The following ZRANB3 variants were observed in gnomAD, a reference collection of about 807,000 sequenced individuals.
ZRANB3 encodes zinc finger RANBP2-type containing 3.
In ZRANB3, 125 loss-of-function variants were observed where a neutral mutation model predicts 133.8. The ratio of observed to expected loss-of-function variants is 0.93; its 90% CI spans 0.81 to 1.08. The LOEUF (loss-of-function observed/expected upper bound fraction) is 1.08. Ranked by LOEUF, ZRANB3 falls within the 50% of genes least tolerant of loss-of-function variation. The probability of loss-of-function intolerance (pLI) is 0.00; values close to 1 mark genes in which losing one functional copy is unlikely to be tolerated. For missense variants in ZRANB3, 1,229 were observed against 1,275.5 expected (o/e 0.96, Z 0.56); for synonymous variants, 387 against 432.7 (o/e 0.89, Z 1.31).
chr2:135,345,657 T>C (rs1336790586), intron 5 of ZRANB3, 22 bp from the exon 6 acceptor site: 3 of 1,475,576 alleles, frequency 2.0e-6, no homozygotes, highest in Non-Finnish European at 1.9e-6. Flanking sequence ...CAAGTGTTTG[T>C]AGTATGTTGT....
At chr2:135,240,001 G>A (rs1695481630) in intron 12 of ZRANB3, among the ~76,000 whole-genome samples, 1 of 151,916 alleles carries the variant, frequency 6.6e-6, no homozygotes, top group East Asian at 1.9e-4. Flanking sequence ...AAAAAGGGTG[G>A]AGGAAAGCAG....
chr2:135,379,444 T>G (rs1040105347), intron 3 of ZRANB3, among the ~76,000 whole-genome samples: 4 of 151,728 alleles, frequency 2.6e-5, no homozygotes, highest in East Asian at 1.9e-4. Flanking sequence ...ACAGTGAGAG[T>G]TGGAGCTGAA....
rs757986625 is a variant in ZRANB3, at chr2:135,230,667, G to C, written c.1800C>G (p.Ile600Met). 1.2e-6 allele frequency: 2 copies of C among 1,613,534 alleles called. No homozygotes were observed. Among genetic ancestry groups the C allele is most frequent in the African/African-American group, 2.7e-5 (2 of 74,938 alleles). Residue 600 changes from isoleucine to methionine, a missense_variant, in exon 13 of 21, where the codon ATC becomes ATG. Ile to Met is a conservative substitution (Grantham distance 10). Transcript: ENST00000264159. ...GTACACTTTCCACGAGTGGAGTTCG[G>C]ATTTGCTTGGACTGGGATGGTGTCT... is the stretch of plus-strand genomic sequence containing the variant. ...SEETPSQSKQ[I>M]RTPLVESVQE...
chr2:135,315,371 T>G lies in ZRANB3; in HGVS notation c.837A>C (p.Ser279=), dbSNP rs150597226. 5.1e-6 allele frequency: 8 copies of G among 1,574,308 alleles called. No individual in the cohort carries two copies. The East Asian group carries it at 1.8e-4, about 36-fold the overall frequency. ...CAACGGTTCTCACCTTGGCAGCTGCTGATGGAAGATCAAATGGAATACGCT... is the reference window on the plus strand; with the variant it reads ...CAACGGTTCTCACCTTGGCAGCTGCGGATGGAAGATCAAATGGAATACGCT... ...VRQRIPFDLP[S]AAAKELNTSF... The change falls in exon 7 of 21, where the codon TCA becomes TCC. Residue 279 remains serine (S), a synonymous_variant. Coordinates refer to ENST00000264159, the MANE Select transcript of ZRANB3 (RefSeq NM_032143.4).
intron 6 of ZRANB3, among the ~76,000 whole-genome samples, chr2:135,334,393 G>A (rs1414387892): frequency 1.3e-5 from 2 of 152,222 alleles, no homozygotes; most frequent in Admixed American, 1.3e-4. Flanking sequence ...AAGTCTCAAT[G>A]CAGAATACAT....
intron 3 of ZRANB3, among the ~76,000 whole-genome samples, chr2:135,354,878 T>C (rs1487704640): frequency 6.6e-6 from 1 of 152,174 alleles, no homozygotes; most frequent in Non-Finnish European, 1.5e-5. Context: ...CTCAGAATTG[T>C]ACACTAAAAA....
At position 135,264,740 on chromosome 2, in the gene ZRANB3, A is replaced by AT. The variant is rs869159841; in HGVS notation, c.1539+793dup. 7.7e-3 allele frequency among the ~76,000 whole-genome samples: 972 copies of AT among 125,670 alleles called. 4 individuals carry two copies. The highest frequency in any genetic ancestry group is 0.016 in the African/African-American group (545 of 34,082). 82.4% of individuals were successfully genotyped at this position (125,670 alleles called of 152,430 possible). A position where few individuals can be genotyped will look rare whatever the true frequency, so the allele number is the denominator to read the frequency against. ...CCTCTGATGCTCATATTCTTTGCCT[A>AT]TTTTTTTTTTTTTTTTCTGAGACAG... On this transcript the variant is annotated intron_variant, in intron 12 of 20. Coordinates refer to ENST00000264159, the MANE Select transcript of ZRANB3 (RefSeq NM_032143.4).
intron 1 of ZRANB3, among the ~76,000 whole-genome samples, chr2:135,525,465 G>C (rs1047375846): frequency 2.6e-5 from 4 of 152,208 alleles, no homozygotes; most frequent in Non-Finnish European, 4.4e-5. Flanking sequence ...AATCAGGGAA[G>C]CATACAAAGA....
At chr2:135,231,855 C>T (rs1374982884) in intron 12 of ZRANB3, among the ~76,000 whole-genome samples, 1 of 152,100 alleles carries the variant, frequency 6.6e-6, no homozygotes, top group African/African-American at 2.4e-5. Context: ...CTCCAGTCTA[C>T]AGCTTCCAGC....
intron 1 of ZRANB3, chr2:135,511,967 G>T: frequency 4.2e-6 from 3 of 722,886 alleles, no homozygotes; most frequent in Non-Finnish European, 7.7e-6. Flanking sequence ...TCAAACTGAG[G>T]GGAAAAAGTC....
At chr2:135,530,275 C>G (rs1559060015) in intron 1 of ZRANB3, among the ~76,000 whole-genome samples, 1 of 151,680 alleles carries the variant, frequency 6.6e-6, no homozygotes, top group Non-Finnish European at 1.5e-5. Context: ...CTTTACAGTT[C>G]AAACTGACCA....
intron 2 of ZRANB3, among the ~76,000 whole-genome samples, chr2:135,430,078 G>C (rs183323887): frequency 6.6e-6 from 1 of 151,872 alleles, no homozygotes; most frequent in Non-Finnish European, 1.5e-5. Context: ...TGGGCGGCTG[G>C]GGTGGGAGGA....
rs188356369 is a variant in ZRANB3, at chr2:135,525,578, T to C, written c.-8+5549A>G. 1.1e-4 allele frequency among the ~76,000 whole-genome samples: 16 copies of C among 152,336 alleles called. No individual in the cohort carries two copies. The East Asian group carries it at 3.1e-3, about 29-fold the overall frequency. Reference sequence around the variant, plus strand: ...GAAAACAGGATTGGGCCGGGCACAATGGCTCACGCCTGTAATCCCAGCACT... The same window carrying C: ...GAAAACAGGATTGGGCCGGGCACAACGGCTCACGCCTGTAATCCCAGCACT... On this transcript the variant is annotated intron_variant, in intron 1 of 20. Coordinates refer to ENST00000264159, the MANE Select transcript of ZRANB3 (RefSeq NM_032143.4).
intron 3 of ZRANB3, among the ~76,000 whole-genome samples, chr2:135,360,505 A>G (rs1193626082): frequency 5.9e-5 from 9 of 152,060 alleles, no homozygotes; most frequent in Non-Finnish European, 4.4e-5. Context: ...GGAGATCGAG[A>G]CCATCCTGGC....
chr2:135,483,786 C>T (rs187998108), intron 2 of ZRANB3, among the ~76,000 whole-genome samples: 15 of 152,246 alleles, frequency 9.9e-5, no homozygotes, highest in East Asian at 3.8e-4. Context: ...GCTTTGAATG[C>T]GTCCCAGAGA....
Position 135,360,480 on chromosome 2 carries a change from C to T in ZRANB3, c.181-6852G>A, listed in dbSNP as rs556521249. 9.6e-4 allele frequency among the ~76,000 whole-genome samples: 145 copies of T among 151,658 alleles called. 1 individual carries two copies. Among genetic ancestry groups the T allele is most frequent in the African/African-American group, 2.9e-3 (120 of 41,348 alleles). ...CAGCACTTTGGGAGGCCAAGGTGGG[C>T]GGATCACAAGGTCAGGAGATCGAGA... On this transcript the variant is annotated intron_variant, in intron 3 of 20. Transcript: ENST00000264159.
At chr2:135,527,268 T>C (rs1694202818) in intron 1 of ZRANB3, among the ~76,000 whole-genome samples, 1 of 152,078 alleles carries the variant, frequency 6.6e-6, no homozygotes, top group African/African-American at 2.4e-5. Context: ...CATTTAAAAA[T>C]GGTTAAGATG....
At chr2:135,297,578 A>T (rs1430231941) in intron 8 of ZRANB3, among the ~76,000 whole-genome samples, 2 of 152,146 alleles carry the variant, frequency 1.3e-5, no homozygotes, top group East Asian at 3.9e-4. Flanking sequence ...CGCTGCACCC[A>T]CTGTCCTGCA....
intron 2 of ZRANB3, among the ~76,000 whole-genome samples, chr2:135,425,575 G>C (rs1355508542): frequency 6.6e-6 from 1 of 152,122 alleles, no homozygotes; most frequent in Non-Finnish European, 1.5e-5. Context: ...TAAACAACTT[G>C]CTCCCGAATG....
Sources: gnomAD v4.1 joint callset for allele counts (sites outside exome capture counted in the v4.1 genomes callset) on GRCh38, gnomAD v4.1.1 for gene constraint, MANE v1.5 for transcripts, NCBI Gene and HGNC (gene_info 2026-07-23, HGNC 2026-07-21) for gene names.